UMODL1: variants seen among roughly 807,000 people sequenced by gnomAD.
The protein encoded by UMODL1 is uromodulin-like 1.
A neutral mutation model predicts 136.3 loss-of-function variants in UMODL1; 128 were observed. That is an observed-to-expected ratio of 0.94 (90% confidence interval 0.81 to 1.09). The LOEUF (loss-of-function observed/expected upper bound fraction) is 1.09. Ranked by LOEUF, UMODL1 falls within the 50% of genes least tolerant of loss-of-function variation. UMODL1 has a pLI of 0.00. For missense variants in UMODL1, 1,766 were observed against 1,725.6 expected, an observed-to-expected ratio of 1.02 and a Z score of -0.41; for synonymous variants, 721 against 720.0, an observed-to-expected ratio of 1.00 and a Z score of -0.02.
chr21:42,134,990 A>G (rs77811318), intron 21 of UMODL1, among the ~76,000 whole-genome samples: 7,652 of 152,234 alleles, frequency 0.05, 307 homozygotes, highest in East Asian at 0.2. Context: ...ATAGGTGTAC[A>G]TGTGCCACGG....
chr21:42,092,980 C>A (rs1263724794), intron 6 of UMODL1, among the ~76,000 whole-genome samples: 1 of 152,182 alleles, frequency 6.6e-6, no homozygotes, highest in Admixed American at 6.5e-5. Context: ...TCCCTAGGAG[C>A]CCTCTGGCGG....
At chr21:42,135,302 A>G (rs1371372786) in intron 21 of UMODL1, among the ~76,000 whole-genome samples, 1 of 152,196 alleles carries the variant, frequency 6.6e-6, no homozygotes, top group African/African-American at 2.4e-5. Flanking sequence ...CTCCACTTCT[A>G]GCTAATCTGG....
chr21:42,070,767 T>C (rs1237146905), upstream of UMODL1, among the ~76,000 whole-genome samples: 1 of 152,240 alleles, frequency 6.6e-6, no homozygotes, highest in African/African-American at 2.4e-5. Flanking sequence ...AGCTTCGTGC[T>C]CTCAGCCCAA....
chr21:42,133,917 T>TGTTTTGTTTTGTTTC (rs71190404), intron 21 of UMODL1, among the ~76,000 whole-genome samples: 2 of 136,766 alleles, frequency 1.5e-5, no homozygotes, highest in Non-Finnish European at 1.5e-5. Flanking sequence ...TGTTTTGTTT[T>TGTTTTGTTTTGTTTC]GTTTCGTTTT....
chr21:42,090,781 C>G (rs930804721), intron 6 of UMODL1, among the ~76,000 whole-genome samples: 1 of 152,202 alleles, frequency 6.6e-6, no homozygotes, highest in African/African-American at 2.4e-5. Flanking sequence ...ATTTGCTGAA[C>G]CTGTTTTTCT....
At position 42,088,455 on chromosome 21, in the gene UMODL1, T is replaced by C; in HGVS notation, c.765T>C (p.Tyr255=). The change falls in exon 5 of 23, where the codon TAT becomes TAC. Residue 255 remains tyrosine, a synonymous_variant. Coordinates refer to ENST00000408910, the MANE Select transcript of UMODL1 (RefSeq NM_001004416.3). ...TLLGDIAKRV[Y]EVISVQVQDV... ...TGGGTGACATTGCGAAGCGTGTCTA[T>C]GAAGTGATCAGCGTCCAGGTGCAAG... 1 of 1,606,228 alleles carries C rather than the reference T, an allele frequency of 6.2e-7. No individual in the cohort carries two copies. Among genetic ancestry groups the C allele is most frequent in the Non-Finnish European group, 8.5e-7 (1 of 1,173,348 alleles).
chr21:42,115,104 T>C (rs539211510), intron 13 of UMODL1, among the ~76,000 whole-genome samples: 2 of 152,352 alleles, frequency 1.3e-5, no homozygotes, highest in South Asian at 4.1e-4. Context: ...AGATGGACTC[T>C]AAGCCCCCTG....
intron 2 of UMODL1, among the ~76,000 whole-genome samples, chr21:42,077,375 G>A (rs1479130463): frequency 6.6e-6 from 1 of 152,020 alleles, no homozygotes; most frequent in Non-Finnish European, 1.5e-5. Context: ...CCGAGAGACG[G>A]CTAACGCTAA....
Position 42,119,296 on chromosome 21 carries a change from G to C in UMODL1, c.2661G>C (p.Glu887Asp), listed in dbSNP as rs969629600. 6.2e-7 allele frequency: 1 copy of C among 1,614,032 alleles called. No individual in the cohort carries two copies. Among genetic ancestry groups the C allele is most frequent in the African/African-American group, 1.3e-5 (1 of 74,936 alleles). ...LTAFQTVPLL[E>D]VIRGDTFIQD... The stretch of plus-strand genomic sequence containing the variant: ...CCTTCCAGACCGTGCCTCTGCTGGA[G>C]GTGATCAGAGGCGACACCTTCATAC... The change falls in exon 15 of 23, where the codon GAG (glutamate) becomes GAC (aspartate). Residue 887 changes from glutamate to aspartate, a missense_variant. Physicochemically the swap from Glu to Asp is conservative, Grantham distance 45. Coordinates refer to ENST00000408910, the MANE Select transcript of UMODL1 (RefSeq NM_001004416.3).
chr21:42,090,991 G>A (rs2066485208), intron 6 of UMODL1, among the ~76,000 whole-genome samples: 1 of 152,222 alleles, frequency 6.6e-6, no homozygotes, highest in Non-Finnish European at 1.5e-5. Context: ...AAAGGGTGAA[G>A]GCATTTTTTA....
At chr21:42,082,512 A>G (rs1230981655) in intron 2 of UMODL1, among the ~76,000 whole-genome samples, 1 of 152,206 alleles carries the variant, frequency 6.6e-6, no homozygotes, top group Non-Finnish European at 1.5e-5. Context: ...AGCTCTGAGT[A>G]AAGCCCCAGG....
chr21:42,075,244 G>GC (rs969776404), intron 1 of UMODL1, among the ~76,000 whole-genome samples: 8 of 143,192 alleles, frequency 5.6e-5, no homozygotes, highest in Admixed American at 2.1e-4. Flanking sequence ...CTGGAGATGG[G>GC]GGGGGGGTTT....
chr21:42,119,044 C>A lies in UMODL1; in HGVS notation c.2476-67C>A. 4 of 1,528,774 alleles carry A rather than the reference C, an allele frequency of 2.6e-6. No homozygotes were observed. The Admixed American group carries it at 5.4e-5, about 21-fold the overall frequency. 94.7% of individuals were successfully genotyped at this position (1,528,774 alleles called of 1,614,324 possible). The stretch of plus-strand genomic sequence containing the variant: ...TGCTGGGCAGACTGGCAGGAGGAAC[C>A]GCCTTGAGACGGGCATCTGTTTCCT... On this transcript the variant is annotated intron_variant, in intron 14 of 22. Transcript: ENST00000408910.
Position 42,123,870 on chromosome 21 carries a change from C to T in UMODL1, c.3147+720C>T, listed in dbSNP as rs996729137. Among the ~76,000 whole-genome samples the T allele has an allele frequency of 2.0e-5, 3 of 152,184 alleles. No homozygotes were observed. The highest frequency in any genetic ancestry group is 6.5e-5 in the Admixed American group (1 of 15,274). On this transcript the variant is annotated intron_variant, in intron 17 of 22. Coordinates refer to ENST00000408910, the MANE Select transcript of UMODL1 (RefSeq NM_001004416.3). This position sits in a 1 kb window ranked among gnomAD's most constrained non-coding sequence, Gnocchi z 4.4. The stretch of plus-strand genomic sequence containing the variant: ...TCTGTCGGAGGGACTGTGTTCCTAG[C>T]GAACATTCTCTATTTCAGGGTCCTG...
intron 8 of UMODL1, chr21:42,103,576 G>GAC: frequency 1.9e-6 from 1 of 527,096 alleles, no homozygotes; most frequent in Non-Finnish European, 3.7e-6. Flanking sequence ...CAGTTTTCAG[G>GAC]ACACTCAGAG....
chr21:42,088,290 A>C lies in UMODL1; in HGVS notation c.604-4A>C. 6.2e-7 allele frequency: 1 copy of C among 1,610,252 alleles called. No homozygotes were observed. The highest frequency in any genetic ancestry group is 8.5e-7 in the Non-Finnish European group (1 of 1,177,404). Reference sequence around the variant, plus strand: ...TGTGTGACACTCTGATTCTGCCTTCACAGGTCACCAGCGCCCTGCAACCAA... The same window carrying C: ...TGTGTGACACTCTGATTCTGCCTTCCCAGGTCACCAGCGCCCTGCAACCAA... On this transcript the variant is annotated splice_region_variant and splice_polypyrimidine_tract_variant and intron_variant, in intron 4 of 22. Transcript: ENST00000408910.
intron 15 of UMODL1, among the ~76,000 whole-genome samples, chr21:42,119,823 ATTTTTTGAT>A (rs1169256317): frequency 1.3e-5 from 2 of 152,240 alleles, no homozygotes; most frequent in Non-Finnish European, 2.9e-5. Context: ...ATTCATATTA[ATTTTTTGAT>A]TTTTAGAATA....
At chr21:42,118,843 C>T (rs2066931431) in intron 14 of UMODL1, among the ~76,000 whole-genome samples, 1 of 151,508 alleles carries the variant, frequency 6.6e-6, no homozygotes, top group Non-Finnish European at 1.5e-5. Context: ...CCAAGTCCCA[C>T]CCTCGCCCCA....
chr21:42,121,165 G>A lies in UMODL1; in HGVS notation c.2768G>A (p.Cys923Tyr). The A allele has an allele frequency of 6.2e-7, 1 of 1,614,156 alleles. No individual in the cohort carries two copies. Among genetic ancestry groups the A allele is most frequent in the Non-Finnish European group, 8.5e-7 (1 of 1,180,016 alleles). ...SCRNTLGSFT[C>Y]SCEGGAPDFP... ...CGAAACACCCTCGGGTCTTTCACTT[G>A]TAGCTGCGAGGGAGGAGCCCCCGAC... The change falls in exon 16 of 23, where the codon TGT (cysteine) becomes TAT (tyrosine). Residue 923 changes from cysteine to tyrosine, a missense_variant. Physicochemically the swap from Cys to Tyr is radical, Grantham distance 194. Coordinates refer to ENST00000408910, the MANE Select transcript of UMODL1 (RefSeq NM_001004416.3).
Sources: allele counts gnomAD v4.1 joint callset (sites outside exome capture counted in the v4.1 genomes callset), GRCh38; gene constraint gnomAD v4.1.1; non-coding constraint Gnocchi (gnomAD v3.1); transcripts MANE v1.5; gene names NCBI Gene and HGNC (gene_info 2026-07-23, HGNC 2026-07-21).